Variants in ZSCAN31 observed in about 807,000 individuals in gnomAD.
The protein encoded by ZSCAN31 is zinc finger and SCAN domain containing 31.
Under a neutral mutation model 22.5 loss-of-function variants are expected in ZSCAN31, and 14 were observed. The ratio of observed to expected loss-of-function variants is 0.62; its 90% CI spans 0.41 to 0.97. The LOEUF is 0.97. ZSCAN31 is among the 50% of genes least tolerant of loss of function. The pLI is 0.00. For missense variants in ZSCAN31, 424 were observed against 483.4 expected, an observed-to-expected ratio of 0.88 and a Z score of 1.15; for synonymous variants, 168 against 169.8, an observed-to-expected ratio of 0.99 and a Z score of 0.08.
chr6:28,337,421 C>T (rs928809933), upstream of ZSCAN31, among the ~76,000 whole-genome samples: 1 of 152,172 alleles, frequency 6.6e-6, no homozygotes, highest in Non-Finnish European at 1.5e-5. Flanking sequence ...AATGAGACTA[C>T]AGGCAGGGAG....
At chr6:28,337,662 TAATGTAAC>T (rs1416353747), upstream of ZSCAN31, 1 of 152,206 alleles carries the variant, frequency 6.6e-6, no homozygotes, top group African/African-American at 2.4e-5. Flanking sequence ...ATGGGGTTTA[TAATGTAAC>T]AAGGAATACA....
At chr6:28,344,975 CA>C (rs11320776) in intron 2 of ZSCAN31, among the ~76,000 whole-genome samples, 54,440 of 123,808 alleles carry the variant, frequency 0.44, 12,689 homozygotes, top group African/African-American at 0.69. Flanking sequence ...ACTAAAACTA[CA>C]AAAAAAAAAA....
chr6:28,329,648 A>C lies in ZSCAN31; in HGVS notation c.36T>G (p.Ile12Met), dbSNP rs749444859. 2 of 1,614,020 alleles carry C rather than the reference A, an allele frequency of 1.2e-6. No homozygotes were observed. The highest frequency in any genetic ancestry group is 1.7e-6 in the Non-Finnish European group (2 of 1,180,016). The change falls in exon 2 of 4, where the codon ATT becomes ATG. Residue 12 changes from isoleucine to methionine, a missense_variant. Physicochemically the swap from Ile to Met is conservative, Grantham distance 10. Coordinates refer to ENST00000344279, the MANE Select transcript of ZSCAN31 (RefSeq NM_030899.5). ...AGATAGGGTCTTCCTCCACTTTCAC[A>C]ATCTTAAGATCGTACTGTTCCTCTG... Reference protein sequence around the residue: ...ASTEEQYDLKIVKVEEDPIWD... With the variant: ...ASTEEQYDLKMVKVEEDPIWD...
chr6:28,332,912 C>T (rs1315655640), intron 1 of ZSCAN31, among the ~76,000 whole-genome samples: 1 of 152,106 alleles, frequency 6.6e-6, no homozygotes, highest in Admixed American at 6.5e-5. Context: ...GATTAATTAC[C>T]AAATTGACTC....
chr6:28,341,027 G>A (rs998495550), upstream of ZSCAN31, among the ~76,000 whole-genome samples: 4 of 152,136 alleles, frequency 2.6e-5, no homozygotes, highest in African/African-American at 9.7e-5. Context: ...ATTTCCACTG[G>A]ATTTAAAATT....
At chr6:28,342,205 G>A (rs1764439784) in intron 2 of ZSCAN31, among the ~76,000 whole-genome samples, 1 of 152,194 alleles carries the variant, frequency 6.6e-6, no homozygotes, top group Admixed American at 6.5e-5. Context: ...GTCACATCCA[G>A]CAGGCCTGCT....
At chr6:28,327,862 G>T (rs1763417414) in intron 2 of ZSCAN31, among the ~76,000 whole-genome samples, 1 of 152,094 alleles carries the variant, frequency 6.6e-6, no homozygotes, top group African/African-American at 2.4e-5. Flanking sequence ...AAGTATCAGA[G>T]AATCTGTCCT....
rs1764779615 is a variant in ZSCAN31 at position 28,349,039 on chromosome 6, T to C, written c.-371+4823A>G. On this transcript the variant is annotated intron_variant, in intron 2 of 7. Transcript: ENST00000396838. This position sits in a 1 kb window ranked among gnomAD's most constrained non-coding sequence, Gnocchi z 4.1. ...GGTGTATATACATGTCTCATATACA[T>C]AGGTGTATATACATGTCTCATATAC... Among the ~76,000 whole-genome samples, 2 of 132,474 alleles carry C rather than the reference T, an allele frequency of 1.5e-5. No individual in the cohort carries two copies. The highest frequency in any genetic ancestry group is 5.7e-5 in the African/African-American group (2 of 35,102). The allele number at this position is 132,474 out of a possible 152,430, so 86.9% of individuals were successfully genotyped here. A position where few individuals can be genotyped will look rare whatever the true frequency, so the allele number is the denominator to read the frequency against.
intron 2 of ZSCAN31, among the ~76,000 whole-genome samples, chr6:28,352,632 T>G (rs1010020264): frequency 6.6e-6 from 1 of 152,238 alleles, no homozygotes; most frequent in Non-Finnish European, 1.5e-5. Flanking sequence ...TTTGAAAGCC[T>G]TTAATGTAAT....
At chr6:28,348,159 A>G (rs1764726695) in intron 2 of ZSCAN31, among the ~76,000 whole-genome samples, 2 of 151,976 alleles carry the variant, frequency 1.3e-5, no homozygotes, top group African/African-American at 2.4e-5. Context: ...TCTTCTCCCA[A>G]CCTTTTAATT....
In ZSCAN31 at chr6:28,333,828, G is replaced by T. The variant is rs150671998; in HGVS notation, c.-96+2254C>A. On this transcript the variant is annotated intron_variant, in intron 1 of 3. Coordinates refer to ENST00000344279, the MANE Select transcript of ZSCAN31 (RefSeq NM_030899.5). The surrounding 1 kb of genome is among the most constrained non-coding windows in gnomAD (Gnocchi z 4.1). ...AGTTAGGATTTTATAAATGCAATGA[G>T]AAACCACTGAAGGCTTTAAGAAAGG... Among the ~76,000 whole-genome samples, 5 of 152,298 alleles carry T rather than the reference G, an allele frequency of 3.3e-5. No individual in the cohort carries two copies. Among genetic ancestry groups the T allele is most frequent in the African/African-American group, 1.2e-4 (5 of 41,566 alleles).
chr6:28,326,343 C>T lies in ZSCAN31; in HGVS notation c.1044G>A (p.Glu348=). The change falls in exon 4 of 4, where the codon GAG becomes GAA. Residue 348 remains glutamate (E), a synonymous_variant. Coordinates refer to ENST00000344279, the MANE Select transcript of ZSCAN31 (RefSeq NM_030899.5). The part of the protein sequence containing the change: ...LVQHQRIHTG[E]KRYQCRECGK... ...CACACTCACGACACTGATAGCGCTT[C>T]TCTCCAGTGTGTATCCTCTGATGCT... The T allele has an allele frequency of 1.2e-6, 2 of 1,614,262 alleles. No homozygotes were observed. The highest frequency in any genetic ancestry group is 1.3e-5 in the African/African-American group (1 of 75,072).
chr6:28,328,214 A>T (rs1763456148), intron 2 of ZSCAN31, among the ~76,000 whole-genome samples: 1 of 152,218 alleles, frequency 6.6e-6, no homozygotes, highest in African/African-American at 2.4e-5. Flanking sequence ...ACTGTCATTG[A>T]TAACATCTTA....
At chr6:28,337,413 T>C (rs1764232022), upstream of ZSCAN31, among the ~76,000 whole-genome samples, 1 of 152,096 alleles carries the variant, frequency 6.6e-6, no homozygotes, top group Non-Finnish European at 1.5e-5. Context: ...TGTAAGGAAA[T>C]GAGACTACAG....
chr6:28,353,839 G>A (rs1340720746), intron 2 of ZSCAN31: 1 of 457,102 alleles, frequency 2.2e-6, no homozygotes, highest in African/African-American at 2.0e-5. Context: ...TATACTATTA[G>A]CCAACATGTA....
At chr6:28,328,393 C>A (rs1348249660) in intron 2 of ZSCAN31, among the ~76,000 whole-genome samples, 3 of 152,180 alleles carry the variant, frequency 2.0e-5, no homozygotes, top group Non-Finnish European at 4.4e-5. Flanking sequence ...CAGAGACCTA[C>A]CCCCAGGCGC....
chr6:28,337,699 T>G (rs1230039116), upstream of ZSCAN31: 2 of 152,162 alleles, frequency 1.3e-5, no homozygotes, highest in Non-Finnish European at 2.9e-5. Context: ...GAGACCCAGC[T>G]TATACAATTC....
In ZSCAN31 at chr6:28,329,347, C is replaced by T. The variant is rs1290105050; in HGVS notation, c.337G>A (p.Val113Ile). Residue 113 changes from valine to isoleucine, a missense_variant, in exon 2 of 4, where the codon GTA becomes ATA. By Grantham distance (29) the Val-to-Ile change is conservative (BLOSUM62 3). Transcript: ENST00000344279. ...AGCTCTTGTTCCAGATCTTCAACTA[C>T]AGCCACAGCCTCCTCCCCACTCTCC... is the stretch of plus-strand genomic sequence containing the variant. ...HPESGEEAVA[V>I]VEDLEQELSE... The T allele has an allele frequency of 3.1e-6, 5 of 1,605,500 alleles. No homozygotes were observed. The highest frequency in any genetic ancestry group is 2.7e-5 in the African/African-American group (2 of 74,328).
At chr6:28,345,155 AAAAAAG>A (rs1176076207) in intron 2 of ZSCAN31, among the ~76,000 whole-genome samples, 11 of 148,560 alleles carry the variant, frequency 7.4e-5, no homozygotes, top group African/African-American at 1.0e-4. Flanking sequence ...AAAAAAAAAA[AAAAAAG>A]AAAAAGAAAA....
Sources: gnomAD v4.1 joint callset for allele counts (sites outside exome capture counted in the v4.1 genomes callset) on GRCh38, gnomAD v4.1.1 for gene constraint, Gnocchi (gnomAD v3.1) non-coding constraint, MANE v1.5 for transcripts, NCBI Gene and HGNC (gene_info 2026-07-23, HGNC 2026-07-21) for gene names.